Variants in HCN1 observed in about 807,000 individuals in gnomAD.
HCN1 encodes potassium/sodium hyperpolarization-activated cyclic nucleotide-gated channel 1.
In HCN1, 13 loss-of-function variants were observed where a neutral mutation model predicts 78.9. The observed-to-expected ratio is 0.16, with a 90% CI of 0.11 to 0.26. The LOEUF (loss-of-function observed/expected upper bound fraction) is 0.26, where lower values mean the gene tolerates loss of function less well. HCN1 is among the 10% of genes least tolerant of loss of function. The pLI, the probability that HCN1 is intolerant of heterozygous loss-of-function variation, is 1.00. For missense variants in HCN1, 810 were observed against 1,154.3 expected, an observed-to-expected ratio of 0.70 and a Z score of 4.32; for synonymous variants, 552 against 455.5, an observed-to-expected ratio of 1.21 and a Z score of -2.70.
At chr5:45,665,063 G>C in intron 1 of HCN1, among the ~76,000 whole-genome samples, 1 of 151,174 alleles carries the variant, frequency 6.6e-6, no homozygotes, top group Non-Finnish European at 1.5e-5. Flanking sequence ...GTCCAACAAT[G>C]ATAGACTGGA....
chr5:45,585,013 T>G (rs1216121065), intron 2 of HCN1, among the ~76,000 whole-genome samples: 2 of 152,132 alleles, frequency 1.3e-5, no homozygotes, highest in Admixed American at 6.5e-5. Flanking sequence ...TGTCTTGGAG[T>G]TGCTCTTCTC....
chr5:45,683,672 CTTT>C (rs879673630), intron 1 of HCN1, among the ~76,000 whole-genome samples: 1 of 143,958 alleles, frequency 6.9e-6, no homozygotes, highest in African/African-American at 2.5e-5. Flanking sequence ...TATGTTTTGT[CTTT>C]TTTTTTTTTG....
chr5:45,472,467 TTA>T (rs1178664493), intron 2 of HCN1, among the ~76,000 whole-genome samples: 1 of 144,934 alleles, frequency 6.9e-6, no homozygotes, highest in African/African-American at 2.6e-5. Context: ...CGTTTACAAA[TTA>T]GAAGAAAGTA....
chr5:45,563,929 T>A (rs969169518), intron 2 of HCN1, among the ~76,000 whole-genome samples: 44 of 152,314 alleles, frequency 2.9e-4, no homozygotes, highest in African/African-American at 1.0e-3. Flanking sequence ...TCATTTTGAT[T>A]TGATACTAGT....
At chr5:45,377,600 A>T (rs1433986650) in intron 4 of HCN1, among the ~76,000 whole-genome samples, 1 of 151,908 alleles carries the variant, frequency 6.6e-6, no homozygotes, top group East Asian at 1.9e-4. Flanking sequence ...AAAAAAAGTG[A>T]TGTATTTGAG....
intron 2 of HCN1, among the ~76,000 whole-genome samples, chr5:45,599,654 C>T (rs536169113): frequency 6.6e-6 from 1 of 152,176 alleles, no homozygotes; most frequent in South Asian, 2.1e-4. Context: ...CTGTCAGTAT[C>T]TGATACTTCT....
intron 2 of HCN1, among the ~76,000 whole-genome samples, chr5:45,587,024 A>G (rs1055889274): frequency 2.0e-5 from 3 of 152,094 alleles, no homozygotes; most frequent in African/African-American, 7.2e-5. Flanking sequence ...TGTCAGATCA[A>G]TGCTTCTAAA....
At chr5:45,403,907 C>G (rs1418747858) in intron 3 of HCN1, among the ~76,000 whole-genome samples, 2 of 152,132 alleles carry the variant, frequency 1.3e-5, no homozygotes, top group African/African-American at 2.4e-5. Context: ...AAGCGACTTG[C>G]CCAGGGTTAA....
intron 2 of HCN1, among the ~76,000 whole-genome samples, chr5:45,628,034 T>C (rs540363410): frequency 2.0e-5 from 3 of 152,322 alleles, no homozygotes; most frequent in East Asian, 3.9e-4. Context: ...TAAATAATAA[T>C]GGATTTCCAC....
In HCN1 at chr5:45,514,290, G is replaced by A. The variant is rs185211350; in HGVS notation, c.850-52283C>T. Among the ~76,000 whole-genome samples the A allele has an allele frequency of 2.0e-4, 31 of 152,082 alleles. No individual in the cohort carries two copies. In the East Asian group the frequency reaches 5.8e-3, roughly 29 times the overall value. On this transcript the variant is annotated intron_variant, in intron 2 of 7. Coordinates refer to ENST00000303230, the MANE Select transcript of HCN1 (RefSeq NM_021072.4). ...TTTAAAAGTCTACCTCAAACACATT[G>A]CGCTGTCTTTCCTAATATTTCATTA...
intron 2 of HCN1, among the ~76,000 whole-genome samples, chr5:45,637,113 T>C (rs547459463): frequency 6.6e-6 from 1 of 152,142 alleles, no homozygotes; most frequent in Middle Eastern, 3.2e-3. Context: ...AATTTTTCCA[T>C]GATTTCTAAA....
chr5:45,380,186 C>A (rs1337545169), intron 4 of HCN1, among the ~76,000 whole-genome samples: 1 of 152,012 alleles, frequency 6.6e-6, no homozygotes, highest in East Asian at 1.9e-4. Context: ...GAGGTCTGTT[C>A]TCTGCTTCCA....
rs73099456 is a variant in HCN1 at position 45,323,214 on chromosome 5, C to A, written c.1378-19375G>T. Reference sequence around the variant, plus strand: ...GATGTGATGCAAGTATTAAAATATACACCAGATTGTGAAGACTTGATAAAA... The same window carrying A: ...GATGTGATGCAAGTATTAAAATATAAACCAGATTGTGAAGACTTGATAAAA... On this transcript the variant is annotated intron_variant, in intron 5 of 7. Transcript: ENST00000303230. Among the ~76,000 whole-genome samples the A allele has an allele frequency of 1.6e-3, 236 of 151,942 alleles. 3 individuals carry two copies. The highest frequency in any genetic ancestry group is 5.6e-3 in the African/African-American group (233 of 41,510).
intron 2 of HCN1, among the ~76,000 whole-genome samples, chr5:45,614,006 T>G (rs998757430): frequency 1.3e-5 from 2 of 152,120 alleles, no homozygotes; most frequent in Admixed American, 6.6e-5. Flanking sequence ...CTATTTAGCC[T>G]TAGGTTTATT....
intron 2 of HCN1, among the ~76,000 whole-genome samples, chr5:45,578,274 C>T (rs1389309143): frequency 1.3e-5 from 2 of 151,938 alleles, no homozygotes; most frequent in Non-Finnish European, 2.9e-5. Context: ...TTAGGGATGT[C>T]AACACCAGGC....
chr5:45,465,392 C>T (rs1027465314), intron 2 of HCN1, among the ~76,000 whole-genome samples: 4 of 152,168 alleles, frequency 2.6e-5, no homozygotes, highest in South Asian at 2.1e-4. Flanking sequence ...CTCTCTTCCC[C>T]GACTAGCAAT....
intron 2 of HCN1, among the ~76,000 whole-genome samples, chr5:45,490,163 T>C (rs1362169866): frequency 6.6e-6 from 1 of 151,992 alleles, no homozygotes; most frequent in Non-Finnish European, 1.5e-5. Flanking sequence ...GGGGAGAAAA[T>C]AGCTCATTTG....
chr5:45,355,813 A>G (rs1037490482), intron 4 of HCN1, among the ~76,000 whole-genome samples: 1 of 152,030 alleles, frequency 6.6e-6, no homozygotes, highest in African/African-American at 2.4e-5. Flanking sequence ...AAACATGATT[A>G]GAAAATCCAA....
At chr5:45,495,426 C>T (rs1291201257) in intron 2 of HCN1, among the ~76,000 whole-genome samples, 15 of 146,898 alleles carry the variant, frequency 1.0e-4, no homozygotes. Context: ...TATAAGAATG[C>T]TTGTGATTTT....
Sources: gnomAD v4.1 joint callset for allele counts (sites outside exome capture counted in the v4.1 genomes callset) on GRCh38, gnomAD v4.1.1 for gene constraint, MANE v1.5 for transcripts, NCBI Gene and HGNC (gene_info 2026-07-23, HGNC 2026-07-21) for gene names.